IMMP2L: variants seen among roughly 807,000 people sequenced by gnomAD.
IMMP2L encodes mitochondrial inner membrane protease subunit 2.
IMMP2L carries 18 observed loss-of-function variants against 19.3 expected under a neutral mutation model. The observed-to-expected ratio is 0.93, with a 90% confidence interval of 0.64 to 1.38. The LOEUF is 1.38. IMMP2L is among the 40% of genes most tolerant of loss of function. IMMP2L has a pLI of 0.00. For synonymous variants in IMMP2L, 76 were observed against 73.0 expected (o/e 1.04, Z -0.21); for missense variants, 233 against 218.2 (o/e 1.07, Z -0.43).
chr7:111,547,545 T>C (rs1297999506), intron 1 of IMMP2L, among the ~76,000 whole-genome samples: 1 of 147,928 alleles, frequency 6.8e-6, no homozygotes, highest in Admixed American at 6.7e-5. Context: ...GCTTGTTTTT[T>C]TTTAATTTTT....
chr7:111,270,123 C>T (rs1372261169), intron 3 of IMMP2L, among the ~76,000 whole-genome samples: 3 of 147,256 alleles, frequency 2.0e-5, no homozygotes, highest in Non-Finnish European at 3.0e-5. Context: ...TGAAAATCAC[C>T]GATTTTCTTT....
At chr7:111,448,434 T>C (rs1467154165) in intron 3 of IMMP2L, among the ~76,000 whole-genome samples, 1 of 151,274 alleles carries the variant, frequency 6.6e-6, no homozygotes, top group Non-Finnish European at 1.5e-5. Flanking sequence ...ACATGGAAAC[T>C]GAACAACCTG....
chr7:111,431,243 C>T (rs1413221264), intron 3 of IMMP2L, among the ~76,000 whole-genome samples: 8 of 151,744 alleles, frequency 5.3e-5, no homozygotes, highest in African/African-American at 1.7e-4. Flanking sequence ...TAACAAAATC[C>T]AGATAAATTA....
At chr7:111,340,743 C>T (rs1290214176) in intron 3 of IMMP2L, among the ~76,000 whole-genome samples, 2 of 152,010 alleles carry the variant, frequency 1.3e-5, no homozygotes, top group Non-Finnish European at 2.9e-5. Flanking sequence ...CAAAGGAATA[C>T]TACATAGCAA....
At chr7:111,124,874 T>C (rs201893306) in intron 3 of IMMP2L, 133 of 1,596,990 alleles carry the variant, frequency 8.3e-5, no homozygotes, top group East Asian at 7.6e-4. Flanking sequence ...GCAACTGTTA[T>C]AGGTTTACCA....
intron 3 of IMMP2L, among the ~76,000 whole-genome samples, chr7:111,472,576 A>G (rs910276205): frequency 1.3e-5 from 2 of 152,174 alleles, no homozygotes; most frequent in African/African-American, 4.8e-5. Context: ...CAAAATATTT[A>G]GCTGTAATTT....
At chr7:110,741,535 T>G (rs995225544) in intron 5 of IMMP2L, among the ~76,000 whole-genome samples, 13 of 152,188 alleles carry the variant, frequency 8.5e-5, no homozygotes, top group African/African-American at 2.9e-4. Flanking sequence ...GAAGGCACCA[T>G]CTTTGGAGCA....
intron 3 of IMMP2L, among the ~76,000 whole-genome samples, chr7:111,428,095 T>C (rs1476047737): frequency 2.0e-5 from 3 of 151,838 alleles, no homozygotes; most frequent in African/African-American, 4.9e-5. Flanking sequence ...TGTCAGCAGA[T>C]TGAGTGCATT....
intron 3 of IMMP2L, among the ~76,000 whole-genome samples, chr7:111,366,070 G>A (rs1829731647): frequency 6.6e-6 from 1 of 152,056 alleles, no homozygotes; most frequent in African/African-American, 2.4e-5. Flanking sequence ...AGAATTATTA[G>A]TAGATGCTAA....
intron 5 of IMMP2L, among the ~76,000 whole-genome samples, chr7:110,808,282 G>A (rs1801767593): frequency 1.3e-5 from 2 of 151,952 alleles, no homozygotes; most frequent in African/African-American, 4.8e-5. Context: ...CTAGGAATTT[G>A]GCTTGGTGGT....
chr7:111,525,278 T>G (rs1269099498), intron 1 of IMMP2L, among the ~76,000 whole-genome samples: 1 of 152,032 alleles, frequency 6.6e-6, no homozygotes, highest in African/African-American at 2.4e-5. Context: ...GTGGCCATGT[T>G]GTGATGGACA....
chr7:111,458,672 C>T (rs1344535731), intron 3 of IMMP2L, among the ~76,000 whole-genome samples: 2 of 152,116 alleles, frequency 1.3e-5, no homozygotes, highest in Non-Finnish European at 2.9e-5. Flanking sequence ...ATCCCACCAG[C>T]ATCCCCCTTT....
chr7:110,784,288 C>G (rs1584816630), intron 5 of IMMP2L, among the ~76,000 whole-genome samples: 1 of 151,934 alleles, frequency 6.6e-6, no homozygotes, highest in African/African-American at 2.4e-5. Flanking sequence ...AAACTCATGA[C>G]AAGTTTTTGC....
intron 4 of IMMP2L, among the ~76,000 whole-genome samples, chr7:110,955,679 C>G (rs1818286328): frequency 6.6e-6 from 1 of 151,956 alleles, no homozygotes; most frequent in Non-Finnish European, 1.5e-5. Context: ...AAAAGAACCA[C>G]CTACTGGACT....
intron 2 of IMMP2L, among the ~76,000 whole-genome samples, chr7:111,499,694 C>G (rs967259456): frequency 2.0e-5 from 3 of 152,192 alleles, no homozygotes; most frequent in Non-Finnish European, 2.9e-5. Flanking sequence ...GGCCTCCCAT[C>G]TCATGGAGAG....
At position 111,532,985 on chromosome 7, in the gene IMMP2L, A is replaced by T. The variant is rs140694039; in HGVS notation, c.-2-11536T>A. The stretch of plus-strand genomic sequence containing the variant: ...TGAGTGCTTATGGTCCTTTTAGCTT[A>T]TAAGTGCAAGTGTACCCACAAACAT... On this transcript the variant is annotated intron_variant, in intron 1 of 5. Coordinates refer to ENST00000405709, the MANE Select transcript of IMMP2L (RefSeq NM_032549.4). 2.1e-3 allele frequency among the ~76,000 whole-genome samples: 321 copies of T among 152,318 alleles called. 3 individuals are homozygous for T. The highest frequency in any genetic ancestry group is 7.3e-3 in the African/African-American group (305 of 41,582).
At chr7:111,291,793 G>T (rs1821135691) in intron 3 of IMMP2L, among the ~76,000 whole-genome samples, 1 of 151,942 alleles carries the variant, frequency 6.6e-6, no homozygotes, top group South Asian at 2.1e-4. Context: ...ATTAGAGGAA[G>T]GATTTGTTAA....
chr7:111,239,212 A>T (rs1300951391), intron 3 of IMMP2L, among the ~76,000 whole-genome samples: 1 of 151,870 alleles, frequency 6.6e-6, no homozygotes, highest in African/African-American at 2.4e-5. Flanking sequence ...AACTATCGCT[A>T]TGAGTAACTA....
chr7:111,488,616 T>C (rs948695709), intron 2 of IMMP2L, among the ~76,000 whole-genome samples: 1 of 152,214 alleles, frequency 6.6e-6, no homozygotes, highest in African/African-American at 2.4e-5. Flanking sequence ...TTTGCAACTG[T>C]AAATTGTGCT....
Sources: gnomAD v4.1 joint callset for allele counts (sites outside exome capture counted in the v4.1 genomes callset) on GRCh38, gnomAD v4.1.1 for gene constraint, MANE v1.5 for transcripts, NCBI Gene and HGNC (gene_info 2026-07-23, HGNC 2026-07-21) for gene names.